Variants in PRR5 observed in about 807,000 individuals in gnomAD.
PRR5 encodes the protein proline rich 5.
A neutral mutation model predicts 30.6 loss-of-function variants in PRR5; 25 were observed. The observed-to-expected ratio is 0.82, with a 90% CI of 0.60 to 1.14. PRR5 has a LOEUF of 1.14. Among genes scored for constraint, PRR5 ranks in the 50% most tolerant of loss-of-function variants. The pLI is 0.00. For synonymous variants in PRR5, 286 were observed against 247.1 expected, an observed-to-expected ratio of 1.16 and a Z score of -1.48; for missense variants, 600 against 547.1, an observed-to-expected ratio of 1.10 and a Z score of -0.96.
intron 1 of PRR5, among the ~76,000 whole-genome samples, chr22:44,684,252 G>A (rs1924547566): frequency 6.6e-6 from 1 of 152,226 alleles, no homozygotes; most frequent in Non-Finnish European, 1.5e-5. Flanking sequence ...TAGAAAATGT[G>A]CTGGTGATGG....
At chr22:44,678,682 C>T (rs889493063) in intron 1 of PRR5, among the ~76,000 whole-genome samples, 3 of 152,216 alleles carry the variant, frequency 2.0e-5, no homozygotes, top group Non-Finnish European at 4.4e-5. Context: ...GCCTCCTGTT[C>T]ACCGCAGGCC....
intron 1 of PRR5, among the ~76,000 whole-genome samples, chr22:44,669,432 C>T (rs1428738269): frequency 1.3e-5 from 2 of 152,138 alleles, no homozygotes; most frequent in African/African-American, 2.4e-5. Context: ...AGGCAGACCC[C>T]GGGACAGAGA....
At chr22:44,725,120 T>C (rs891668517) in intron 2 of PRR5, 124 bp from the exon 3 acceptor site, 114 of 1,418,662 alleles carry the variant, frequency 8.0e-5, no homozygotes, top group Non-Finnish European at 1.1e-4. Flanking sequence ...CCACTACCCA[T>C]GTTTTTGGGC....
At chr22:44,714,822 G>C (rs2147080580) in intron 2 of PRR5, 151 bp downstream of exon 2, 1 of 1,108,924 alleles carries the variant, frequency 9.0e-7, no homozygotes, top group Non-Finnish European at 1.3e-6. Context: ...CGAGGCCCAA[G>C]TTAGCAGTGG....
At chr22:44,701,868 G>A (rs936192454), upstream of PRR5, among the ~76,000 whole-genome samples, 2 of 152,130 alleles carry the variant, frequency 1.3e-5, no homozygotes, top group Admixed American at 6.5e-5. Flanking sequence ...GCTGTGGAGG[G>A]AGACCTCCGG....
At chr22:44,727,888 G>A (rs549622756) in intron 4 of PRR5, among the ~76,000 whole-genome samples, 1 of 152,360 alleles carries the variant, frequency 6.6e-6, no homozygotes, top group Admixed American at 6.5e-5. Context: ...GAGACATGGG[G>A]GTTCTGGGAA....
Position 44,736,805 on chromosome 22 carries a change from A to G in PRR5, c.725A>G (p.Asp242Gly). The G allele has an allele frequency of 6.4e-7, 1 of 1,571,290 alleles. No individual in the cohort carries two copies. The highest frequency in any genetic ancestry group is 1.1e-5 in the South Asian group (1 of 88,116). The part of the protein sequence containing the change: ...KRLLRRSRSG[D>G]VLAKNPVVRS... ...CTCCTCCGCCGCTCCCGCTCGGGGGACGTGCTGGCCAAGAACCCTGTGGTG... is the reference window on the plus strand; with the variant it reads ...CTCCTCCGCCGCTCCCGCTCGGGGGGCGTGCTGGCCAAGAACCCTGTGGTG... Residue 242 changes from aspartate to glycine, a missense_variant, in exon 8 of 8, where the codon GAC becomes GGC. Transcript: ENST00000336985.
At chr22:44,723,191 C>T (rs928948919) in intron 2 of PRR5, among the ~76,000 whole-genome samples, 8 of 151,736 alleles carry the variant, frequency 5.3e-5, no homozygotes, top group African/African-American at 1.7e-4. Context: ...ACCATGTTGG[C>T]CAGGCTGGTT....
rs1056298853 is a variant in PRR5 at position 44,691,392 on chromosome 22, G to A, written c.-10-11100G>A. Among the ~76,000 whole-genome samples, 3 of 152,136 alleles carry A rather than the reference G, an allele frequency of 2.0e-5. No individual in the cohort carries two copies. The highest frequency in any genetic ancestry group is 2.9e-5 in the Non-Finnish European group (2 of 68,024). On this transcript the variant is annotated intron_variant, in intron 1 of 8. Coordinates refer to the PRR5 transcript ENST00000006251. This position sits in a 1 kb window ranked among gnomAD's most constrained non-coding sequence, Gnocchi z 4.4. ...TTGTGGTGGGGAGGCCGTGGCCCGC[G>A]CTGGGCACAGCATGTACTCAGCGGT...
chr22:44,712,698 T>C (rs1442580271), intron 1 of PRR5, among the ~76,000 whole-genome samples: 2 of 152,146 alleles, frequency 1.3e-5, no homozygotes, highest in African/African-American at 4.8e-5. Flanking sequence ...GCCTGCTTTG[T>C]GGTGTGGGCA....
chr22:44,696,752 T>TTTATTTATTTATTTAC (rs1157326868), intron 1 of PRR5, among the ~76,000 whole-genome samples: 1 of 152,000 alleles, frequency 6.6e-6, no homozygotes, highest in African/African-American at 2.4e-5. Context: ...TATTTATTTA[T>TTTATTTATTTATTTAC]TTGAGATGCA....
chr22:44,732,470 A>G (rs1018434913), intron 6 of PRR5, 79 bp downstream of exon 6: 25 of 1,537,076 alleles, frequency 1.6e-5, no homozygotes, highest in Non-Finnish European at 2.1e-5. Flanking sequence ...GCAGAGCATG[A>G]GATGAGGATT....
intron 1 of PRR5, among the ~76,000 whole-genome samples, chr22:44,708,064 T>G (rs1927515567): frequency 6.6e-6 from 1 of 152,020 alleles, no homozygotes; most frequent in Admixed American, 6.5e-5. Flanking sequence ...CCAGGCGTGG[T>G]GGCTCATGCC....
upstream of PRR5, among the ~76,000 whole-genome samples, chr22:44,699,202 CCT>C (rs1226047716): frequency 1.2e-4 from 18 of 152,204 alleles, no homozygotes; most frequent in South Asian, 2.1e-4. Context: ...TTCCCAGCCC[CCT>C]GTTTCCCTCC....
At chr22:44,682,646 G>A (rs553145273) in intron 1 of PRR5, among the ~76,000 whole-genome samples, 15 of 152,194 alleles carry the variant, frequency 9.9e-5, no homozygotes, top group African/African-American at 3.4e-4. Context: ...CCCATAGGAG[G>A]TTCTCAAGAA....
At chr22:44,718,144 G>T (rs1290560674) in intron 2 of PRR5, among the ~76,000 whole-genome samples, 1 of 150,430 alleles carries the variant, frequency 6.6e-6, no homozygotes, top group Non-Finnish European at 1.5e-5. Flanking sequence ...TAACGCTGCT[G>T]TGAACATCTG....
At chr22:44,730,132 C>G (rs1921674123) in intron 4 of PRR5, 2 of 985,038 alleles carry the variant, frequency 2.0e-6, no homozygotes, top group South Asian at 9.4e-5. Flanking sequence ...TCCTAGTGCC[C>G]TCGAACCTAC....
chr22:44,682,608 T>A (rs1007619952), intron 1 of PRR5, among the ~76,000 whole-genome samples: 2 of 152,316 alleles, frequency 1.3e-5, no homozygotes, highest in Admixed American at 1.3e-4. Context: ...AAGGTCAGAT[T>A]TGAATCCGGC....
chr22:44,704,246 A>C (rs1005182800), intron 1 of PRR5, among the ~76,000 whole-genome samples: 1 of 152,186 alleles, frequency 6.6e-6, no homozygotes, highest in Non-Finnish European at 1.5e-5. Flanking sequence ...GGAGGGCTCC[A>C]CAGGAATCAG....
Sources: gnomAD v4.1 joint callset for allele counts (sites outside exome capture counted in the v4.1 genomes callset) on GRCh38, gnomAD v4.1.1 for gene constraint, Gnocchi (gnomAD v3.1) non-coding constraint, MANE v1.5 for transcripts, NCBI Gene and HGNC (gene_info 2026-07-23, HGNC 2026-07-21) for gene names.